The following PDSS2 variants were observed in gnomAD, a reference collection of about 807,000 sequenced individuals.
PDSS2 encodes all trans-polyprenyl-diphosphate synthase PDSS2.
In PDSS2, 31 loss-of-function variants were observed where a neutral mutation model predicts 44.5. The observed-to-expected ratio is 0.70, with a 90% confidence interval of 0.52 to 0.94. PDSS2 has a LOEUF of 0.94. Ranked by LOEUF, PDSS2 falls within the 40% of genes least tolerant of loss-of-function variation. PDSS2 has a pLI of 0.00. For missense variants in PDSS2, 452 were observed against 482.2 expected (o/e 0.94, Z 0.59); for synonymous variants, 157 against 180.3 (o/e 0.87, Z 1.03).
intron 2 of PDSS2, among the ~76,000 whole-genome samples, chr6:107,299,888 T>C (rs1009202116): frequency 6.6e-6 from 1 of 151,162 alleles, no homozygotes; most frequent in Non-Finnish European, 1.5e-5. Context: ...GGGGGTGGAG[T>C]TCAAGATCAG....
chr6:107,415,237 C>T (rs772989359), intron 1 of PDSS2, among the ~76,000 whole-genome samples: 1 of 151,956 alleles, frequency 6.6e-6, no homozygotes, highest in Non-Finnish European at 1.5e-5. Context: ...ATGCCCAAAC[C>T]AATTTCCAAT....
chr6:107,252,833 A>G (rs1774869881), intron 3 of PDSS2, among the ~76,000 whole-genome samples: 1 of 150,988 alleles, frequency 6.6e-6, no homozygotes, highest in African/African-American at 2.5e-5. Flanking sequence ...TAGGCCACAA[A>G]TTCAGGAAGA....
intron 3 of PDSS2, among the ~76,000 whole-genome samples, chr6:107,248,110 A>C (rs1248200216): frequency 6.6e-6 from 1 of 152,190 alleles, no homozygotes; most frequent in African/African-American, 2.4e-5. Flanking sequence ...GCAGCCACTC[A>C]CAATTTAGTA....
At chr6:107,270,151 C>T (rs1468688381) in intron 3 of PDSS2, among the ~76,000 whole-genome samples, 1 of 152,046 alleles carries the variant, frequency 6.6e-6, no homozygotes, top group Non-Finnish European at 1.5e-5. Context: ...TCTTGTTGCC[C>T]AGGCCGGAGT....
intron 6 of PDSS2, 134 bp downstream of exon 6, chr6:107,210,305 A>G: frequency 1.4e-6 from 1 of 724,186 alleles, no homozygotes; most frequent in Admixed American, 2.2e-5. Flanking sequence ...CGAAGATTAC[A>G]AAGAAAGGAT....
intron 1 of PDSS2, among the ~76,000 whole-genome samples, chr6:107,413,307 C>G (rs1303210976): frequency 6.6e-6 from 1 of 152,122 alleles, no homozygotes; most frequent in Non-Finnish European, 1.5e-5. Flanking sequence ...TTTTGGGAGA[C>G]CAAGGTGAGA....
intron 1 of PDSS2, among the ~76,000 whole-genome samples, chr6:107,372,848 CAG>C (rs1254686512): frequency 7.2e-5 from 11 of 152,104 alleles, no homozygotes; most frequent in Non-Finnish European, 1.5e-4. Flanking sequence ...AAATTTAAAA[CAG>C]AATGCAAATT....
At chr6:107,335,528 T>G (rs189430417) in intron 1 of PDSS2, among the ~76,000 whole-genome samples, 2 of 152,198 alleles carry the variant, frequency 1.3e-5, no homozygotes, top group Admixed American at 1.3e-4. Context: ...TGTTGCTTAT[T>G]ACTTACAAAC....
chr6:107,320,876 T>A (rs1438780513), intron 2 of PDSS2, among the ~76,000 whole-genome samples: 3 of 152,166 alleles, frequency 2.0e-5, no homozygotes, highest in Admixed American at 2.0e-4. Context: ...TAAGAAAGTA[T>A]ATGTAAGGCA....
At chr6:107,356,211 T>C (rs534141141) in intron 1 of PDSS2, among the ~76,000 whole-genome samples, 1 of 152,366 alleles carries the variant, frequency 6.6e-6, no homozygotes, top group South Asian at 2.1e-4. Context: ...GTGAATTTAC[T>C]TTCACTCCTT....
chr6:107,200,240 T>G (rs1172979157), intron 6 of PDSS2, among the ~76,000 whole-genome samples: 1 of 152,188 alleles, frequency 6.6e-6, no homozygotes, highest in Non-Finnish European at 1.5e-5. Flanking sequence ...CCTGGGAAGA[T>G]GGATATGTTG....
chr6:107,384,509 C>T (rs868665266), intron 1 of PDSS2, among the ~76,000 whole-genome samples: 4 of 151,964 alleles, frequency 2.6e-5, no homozygotes, highest in East Asian at 1.9e-4. Flanking sequence ...GGCATGGTGG[C>T]GGGCGCCTGT....
At chr6:107,242,963 T>A (rs1582836748) in intron 4 of PDSS2, among the ~76,000 whole-genome samples, 2 of 152,188 alleles carry the variant, frequency 1.3e-5, no homozygotes, top group African/African-American at 4.8e-5. Flanking sequence ...ATAAAGTCTC[T>A]TTAATAAAAT....
intron 1 of PDSS2, among the ~76,000 whole-genome samples, chr6:107,355,662 T>C (rs1345649752): frequency 6.6e-6 from 1 of 151,988 alleles, no homozygotes; most frequent in Non-Finnish European, 1.5e-5. Context: ...TTTGTCTTCT[T>C]CTATAGTACT....
chr6:107,277,530 T>A (rs1343647670), intron 2 of PDSS2, among the ~76,000 whole-genome samples: 1 of 152,104 alleles, frequency 6.6e-6, no homozygotes, highest in South Asian at 2.1e-4. Context: ...AGGTGATACA[T>A]AGAAAAATCT....
chr6:107,240,942 G>A (rs879679983), intron 4 of PDSS2, among the ~76,000 whole-genome samples: 20 of 152,052 alleles, frequency 1.3e-4, no homozygotes, highest in Non-Finnish European at 2.5e-4. Context: ...AAGCTATTTT[G>A]TATGTTTATA....
chr6:107,346,382 C>T (rs1271479104), intron 1 of PDSS2, among the ~76,000 whole-genome samples: 2 of 152,126 alleles, frequency 1.3e-5, no homozygotes, highest in African/African-American at 4.8e-5. Context: ...TGGTTATCCC[C>T]ATTTTGTTGA....
chr6:107,245,961 C>T (rs1349125814), intron 3 of PDSS2, among the ~76,000 whole-genome samples: 1 of 152,068 alleles, frequency 6.6e-6, no homozygotes, highest in Non-Finnish European at 1.5e-5. Context: ...TTATTTCTGT[C>T]AGGTGGATAC....
At chr6:107,327,375 T>C (rs962083105) in intron 2 of PDSS2, among the ~76,000 whole-genome samples, 6 of 152,110 alleles carry the variant, frequency 3.9e-5, no homozygotes, top group African/African-American at 1.2e-4. Context: ...GATACCAGAA[T>C]TGAAGCTGCA....
Sources: gnomAD v4.1 joint callset for allele counts (sites outside exome capture counted in the v4.1 genomes callset) on GRCh38, gnomAD v4.1.1 for gene constraint, MANE v1.5 for transcripts, NCBI Gene and HGNC (gene_info 2026-07-23, HGNC 2026-07-21) for gene names.